The following CACNA1A variants were observed in gnomAD, a reference collection of about 807,000 sequenced individuals.
The protein encoded by CACNA1A is voltage-dependent P/Q-type calcium channel subunit alpha-1A.
Under a neutral mutation model 262.4 loss-of-function variants are expected in CACNA1A, and 57 were observed. That is an observed-to-expected ratio of 0.22 (90% CI 0.18 to 0.27). The LOEUF (loss-of-function observed/expected upper bound fraction) is 0.27, where lower values mean the gene tolerates loss of function less well. Ranked by LOEUF, CACNA1A falls within the 10% of genes least tolerant of loss-of-function variation. CACNA1A has a pLI of 1.00. For synonymous variants in CACNA1A, 1,431 were observed against 1,419.3 expected, an observed-to-expected ratio of 1.01 and a Z score of -0.18; for missense variants, 2,526 against 3,562.8, an observed-to-expected ratio of 0.71 and a Z score of 7.41.
intron 3 of CACNA1A, among the ~76,000 whole-genome samples, chr19:13,411,529 C>T (rs1005315960): frequency 1.3e-5 from 2 of 152,190 alleles, no homozygotes; most frequent in African/African-American, 2.4e-5. Flanking sequence ...GGTTGTGAGG[C>T]CTCCCCAGCC....
chr19:13,267,176 G>A (rs1469276990), intron 24 of CACNA1A, among the ~76,000 whole-genome samples: 1 of 152,162 alleles, frequency 6.6e-6, no homozygotes, highest in Non-Finnish European at 1.5e-5. Flanking sequence ...GATAGAGAGA[G>A]ACTTTACCGT....
chr19:13,414,056 TC>T (rs2060179173), intron 3 of CACNA1A, among the ~76,000 whole-genome samples: 1 of 151,848 alleles, frequency 6.6e-6, no homozygotes, highest in African/African-American at 2.4e-5. Context: ...GGACCCCATC[TC>T]TACAAAAAAT....
chr19:13,470,874 T>C (rs1348695616), intron 1 of CACNA1A, among the ~76,000 whole-genome samples: 3 of 152,232 alleles, frequency 2.0e-5, no homozygotes, highest in East Asian at 3.8e-4. Context: ...GAGCATCTCA[T>C]AGGAGTGTCT....
intron 3 of CACNA1A, among the ~76,000 whole-genome samples, chr19:13,396,826 T>C (rs1267529807): frequency 6.8e-6 from 1 of 147,772 alleles, no homozygotes; most frequent in Non-Finnish European, 1.5e-5. Flanking sequence ...CTTTGCTCCG[T>C]TTCCGGTTTG....
At chr19:13,315,889 T>C (rs2058117571) in intron 11 of CACNA1A, 2 of 152,232 alleles carry the variant, frequency 1.3e-5, no homozygotes, top group Non-Finnish European at 2.9e-5. Flanking sequence ...TTGGGGCCTG[T>C]GAGCCAAAGC....
intron 26 of CACNA1A, chr19:13,260,337 TGTTGTTG>T (rs1247577519): frequency 7.0e-6 from 1 of 142,948 alleles, no homozygotes; most frequent in African/African-American, 2.6e-5. Context: ...TATATATTTT[TGTTGTTG>T]TTGTTTGTTT....
At chr19:13,433,736 C>T (rs140399373) in intron 3 of CACNA1A, among the ~76,000 whole-genome samples, 6 of 152,204 alleles carry the variant, frequency 3.9e-5, no homozygotes, top group African/African-American at 1.4e-4. Flanking sequence ...CTGCATAGCA[C>T]CCAGCAGAAC....
chr19:13,403,929 CCTGGGTGA>C (rs1261794244), intron 3 of CACNA1A, among the ~76,000 whole-genome samples: 1 of 152,000 alleles, frequency 6.6e-6, no homozygotes, highest in Non-Finnish European at 1.5e-5. Flanking sequence ...TGCTCTCCAG[CCTGGGTGA>C]CAGAGCAAGA....
At chr19:13,251,431 C>T (rs8112897) in intron 30 of CACNA1A, among the ~76,000 whole-genome samples, 8 of 152,120 alleles carry the variant, frequency 5.3e-5, no homozygotes, top group African/African-American at 1.2e-4. Context: ...TTCAGTGAGC[C>T]GAGATTGCGC....
intron 6 of CACNA1A, among the ~76,000 whole-genome samples, chr19:13,338,339 T>C (rs536863839): frequency 1.1e-4 from 16 of 152,296 alleles, no homozygotes; most frequent in Admixed American, 1.3e-4. Flanking sequence ...CAAAATGCCA[T>C]TGTGCAGTGT....
chr19:13,477,951 C>T (rs543635403), intron 1 of CACNA1A, among the ~76,000 whole-genome samples: 2 of 152,266 alleles, frequency 1.3e-5, no homozygotes, highest in East Asian at 1.9e-4. Flanking sequence ...CTTCTCATCA[C>T]CACATCTGCA....
At chr19:13,274,845 T>C (rs919814591) in intron 24 of CACNA1A, 20 of 152,126 alleles carry the variant, frequency 1.3e-4, no homozygotes, top group African/African-American at 4.6e-4. Context: ...TTGGGGACCG[T>C]CTTGGAATGG....
chr19:13,285,068 G>A lies in CACNA1A; in HGVS notation c.3692C>T (p.Pro1231Leu), dbSNP rs775490034. ...TGCCCTTGCTGGGGGCCATACTCAC[G>A]GGTTGGTCGTGGACAGGATGAACAT... is the stretch of plus-strand genomic sequence containing the variant. ...SSMFILSTTNPLRRLCHYILN... is the reference protein window; with the variant it reads ...SSMFILSTTNLLRRLCHYILN... Residue 1231 changes from proline to leucine, a missense_variant and splice_region_variant, in exon 21 of 47, where the codon CCC becomes CTC. By Grantham distance (98) the Pro-to-Leu change is moderately conservative (BLOSUM62 -3). Coordinates refer to ENST00000360228, the MANE Select transcript of CACNA1A (RefSeq NM_001127222.2). The A allele has an allele frequency of 6.2e-7, 1 of 1,613,960 alleles. No homozygotes were observed. Among genetic ancestry groups the A allele is most frequent in the Non-Finnish European group, 8.5e-7 (1 of 1,179,866 alleles).
At chr19:13,477,472 C>G (rs112612329) in intron 1 of CACNA1A, among the ~76,000 whole-genome samples, 4 of 152,202 alleles carry the variant, frequency 2.6e-5, no homozygotes, top group African/African-American at 9.7e-5. Context: ...AACAAATGCA[C>G]AGCCCCATGA....
At chr19:13,261,165 T>C (rs1185350424) in intron 26 of CACNA1A, 1 of 325,760 alleles carries the variant, frequency 3.1e-6, no homozygotes. Context: ...CCTGTAACGA[T>C]TTCAAGTAAG....
In CACNA1A at chr19:13,236,974, G is replaced by T. The variant is rs2144655416; in HGVS notation, c.4951-1244C>A. Among the ~76,000 whole-genome samples the T allele has an allele frequency of 6.6e-6, 1 of 152,210 alleles. No individual in the cohort carries two copies. The highest frequency in any genetic ancestry group is 1.5e-5 in the Non-Finnish European group (1 of 67,994). On this transcript the variant is annotated intron_variant, in intron 31 of 46. Coordinates refer to ENST00000360228, the MANE Select transcript of CACNA1A (RefSeq NM_001127222.2). This position sits in a 1 kb window ranked among gnomAD's most constrained non-coding sequence, Gnocchi z 4.6. ...AACTGTTTTGTTGGGCCCGAGCAGT[G>T]TTTTTTCATTTGTCCTTGTTTTTAA...
intron 3 of CACNA1A, among the ~76,000 whole-genome samples, chr19:13,390,892 G>C (rs76688120): frequency 0.014 from 2,134 of 152,086 alleles, 57 homozygotes; most frequent in African/African-American, 0.049. Context: ...ACCTGCTATT[G>C]CATCTTTTTT....
chr19:13,239,807 G>A (rs774955388), intron 31 of CACNA1A, among the ~76,000 whole-genome samples: 14 of 151,860 alleles, frequency 9.2e-5, no homozygotes, highest in Non-Finnish European at 1.9e-4. Context: ...GTGTGCATGC[G>A]TGCATGCATG....
chr19:13,470,752 G>A (rs1308814435), intron 1 of CACNA1A, among the ~76,000 whole-genome samples: 2 of 152,152 alleles, frequency 1.3e-5, no homozygotes, highest in Non-Finnish European at 1.5e-5. Context: ...GCCAACGGGA[G>A]GCACCAGCAA....
Sources: allele counts gnomAD v4.1 joint callset (sites outside exome capture counted in the v4.1 genomes callset), GRCh38; gene constraint gnomAD v4.1.1; non-coding constraint Gnocchi (gnomAD v3.1); transcripts MANE v1.5; gene names NCBI Gene and HGNC (gene_info 2026-07-23, HGNC 2026-07-21).